The following MROH1 variants were observed in gnomAD, a reference collection of about 807,000 sequenced individuals.
MROH1 encodes the protein maestro heat like repeat family member 1.
In MROH1, 117 loss-of-function variants were observed where a neutral mutation model predicts 116.5. The ratio of observed to expected loss-of-function variants is 1.00; its 90% CI spans 0.86 to 1.17. MROH1 has a LOEUF of 1.17. Among genes scored for constraint, MROH1 ranks in the 50% most tolerant of loss-of-function variants. MROH1 has a pLI of 0.00. For missense variants in MROH1, 1,873 were observed against 1,338.5 expected (o/e 1.40, Z -6.23); for synonymous variants, 921 against 583.9 (o/e 1.58, Z -8.32).
chr8:144,240,602 CA>C lies in MROH1; in HGVS notation c.1862del (p.Asn621ThrfsTer7), dbSNP rs1840809711. On this transcript the variant is annotated frameshift_variant, in exon 20 of 44. Transcript: ENST00000326134. LOFTEE classifies it high-confidence loss of function. ...LRDTLAIISDNAWICQLSLEL... is the reference protein window; with the variant it reads ...LRDTLAIISDXAWICQLSLEL... ...GAGACACCCTGGCCATCATTTCTGA[CA>C]ACGCGTGGATCTGCCAGCTGAGCCT... 1 of 717,428 alleles carries C rather than the reference CA, an allele frequency of 1.4e-6. No individual in the cohort carries two copies. Among genetic ancestry groups the C allele is most frequent in the Non-Finnish European group, 2.6e-6 (1 of 384,950 alleles). The allele number at this position is 717,428 out of a possible 1,614,324, so 44.4% of individuals were successfully genotyped here.
chr8:144,205,515 T>G (rs74688508), intron 12 of MROH1, among the ~76,000 whole-genome samples: 2 of 26,706 alleles, frequency 7.5e-5, no homozygotes, highest in Admixed American at 6.2e-4. Context: ...TGCATATATA[T>G]AGACACACAC....
At chr8:144,235,335 C>G (rs1035450840) in intron 14 of MROH1, among the ~76,000 whole-genome samples, 2 of 151,924 alleles carry the variant, frequency 1.3e-5, no homozygotes, top group African/African-American at 4.8e-5. Context: ...TTTTTTCAGT[C>G]TGGATGCGTT....
intron 12 of MROH1, among the ~76,000 whole-genome samples, chr8:144,212,189 TCCTCCTGTCTCAG>T (rs1834268195): frequency 6.6e-6 from 1 of 152,072 alleles, no homozygotes; most frequent in Non-Finnish European, 1.5e-5. Flanking sequence ...GCTTAAGGGA[TCCTCCTGTCTCAG>T]CCTCCTAAGT....
chr8:144,242,073 C>G, intron 22 of MROH1: 1 of 528,792 alleles, frequency 1.9e-6, no homozygotes, highest in South Asian at 2.0e-5. Context: ...CTGACTCTCT[C>G]ACGTGGCTGT....
chr8:144,148,734 T>A (rs896196063), intron 1 of MROH1: 3 of 152,632 alleles, frequency 2.0e-5, no homozygotes, highest in African/African-American at 4.8e-5. Context: ...GGGGTCGGAT[T>A]TTCGGGCAGC....
At chr8:144,256,429 A>G (rs1843807064) in intron 35 of MROH1, among the ~76,000 whole-genome samples, 1 of 141,596 alleles carries the variant, frequency 7.1e-6, no homozygotes, top group African/African-American at 2.7e-5. Flanking sequence ...AGGACACACC[A>G]GGGGGACAGC....
chr8:144,155,241 G>A (rs998277125), intron 1 of MROH1, among the ~76,000 whole-genome samples: 8 of 152,196 alleles, frequency 5.3e-5, no homozygotes, highest in African/African-American at 1.7e-4. Context: ...GTGAGCCACC[G>A]CACCCGGCCT....
intron 14 of MROH1, among the ~76,000 whole-genome samples, chr8:144,234,651 G>A (rs1839712268): frequency 6.8e-6 from 1 of 147,572 alleles, no homozygotes; most frequent in South Asian, 2.1e-4. Context: ...TGAGTAGCTG[G>A]GATTACAGGC....
chr8:144,152,834 A>G (rs1817169250), intron 1 of MROH1, among the ~76,000 whole-genome samples: 1 of 152,202 alleles, frequency 6.6e-6, no homozygotes, highest in African/African-American at 2.4e-5. Context: ...GGCATGAGCC[A>G]CTGCGCCTGG....
intron 4 of MROH1, among the ~76,000 whole-genome samples, chr8:144,176,530 G>A (rs1463669878): frequency 3.2e-5 from 3 of 93,946 alleles, no homozygotes; most frequent in African/African-American, 1.3e-4. Context: ...GTGAGACCCT[G>A]ACTCAGAAAA....
At chr8:144,199,959 C>T (rs959019840) in intron 11 of MROH1, among the ~76,000 whole-genome samples, 1 of 152,186 alleles carries the variant, frequency 6.6e-6, no homozygotes, top group Admixed American at 6.5e-5. Flanking sequence ...GGCTCTGGTC[C>T]GTGAAGTACT....
intron 14 of MROH1, among the ~76,000 whole-genome samples, chr8:144,237,934 C>T (rs1411312679): frequency 2.0e-5 from 3 of 152,114 alleles, no homozygotes; most frequent in Admixed American, 6.5e-5. Flanking sequence ...TCTTTATTAA[C>T]GCAAATGATT....
At chr8:144,237,962 A>G (rs1174891218) in intron 14 of MROH1, among the ~76,000 whole-genome samples, 2 of 152,084 alleles carry the variant, frequency 1.3e-5, no homozygotes, top group Non-Finnish European at 2.9e-5. Flanking sequence ...GATCTTTAAA[A>G]TCTCCAGGTC....
At chr8:144,157,677 C>CTTTTT (rs1164415639) in intron 1 of MROH1, among the ~76,000 whole-genome samples, 44 of 117,892 alleles carry the variant, frequency 3.7e-4, no homozygotes, top group Non-Finnish European at 5.5e-4. Context: ...TTCTTTCTTT[C>CTTTTT]TTTTTTTTTT....
At chr8:144,195,549 C>T (rs562575573) in intron 10 of MROH1, among the ~76,000 whole-genome samples, 1 of 150,802 alleles carries the variant, frequency 6.6e-6, no homozygotes, top group African/African-American at 2.4e-5. Flanking sequence ...ACTCTGTTGC[C>T]CAGGCTGGTC....
In MROH1 at chr8:144,241,415, G is replaced by A. The variant is rs2132918257; in HGVS notation, c.2076G>A (p.Gly692=). ...AEREGLACCF[G]ICAISHLEDT... Reference sequence around the variant, plus strand: ...CCCAGGGCCTCGCCTGCTGCTTCGGGATCTGTGCCATCTCCCACCTCGAGG... The same window carrying A: ...CCCAGGGCCTCGCCTGCTGCTTCGGAATCTGTGCCATCTCCCACCTCGAGG... Residue 692 remains glycine, a synonymous_variant, in exon 22 of 44, where the codon GGG becomes GGA. Transcript: ENST00000326134. 3 of 778,428 alleles carry A rather than the reference G, an allele frequency of 3.9e-6. No homozygotes were observed. The highest frequency in any genetic ancestry group is 4.8e-5 in the East Asian group (2 of 41,250). 48.2% of individuals were successfully genotyped at this position (778,428 alleles called of 1,614,324 possible).
In MROH1 at chr8:144,235,540, G is replaced by A. The variant is rs1488197315; in HGVS notation, c.1339-3216G>A. On this transcript the variant is annotated intron_variant, in intron 14 of 43. Coordinates refer to ENST00000326134, the MANE Select transcript of MROH1 (RefSeq NM_032450.3). The stretch of plus-strand genomic sequence containing the variant: ...CCTTCTAGTCCTGCTTTGCTGAACG[G>A]TTTTGTTATGAAGAAGTACTAGATT... Among the ~76,000 whole-genome samples, 8 of 152,282 alleles carry A rather than the reference G, an allele frequency of 5.3e-5. No individual in the cohort carries two copies. The South Asian group carries it at 1.2e-3, about 24-fold the overall frequency.
intron 4 of MROH1, among the ~76,000 whole-genome samples, chr8:144,173,675 G>A (rs565677612): frequency 7.9e-5 from 12 of 152,190 alleles, no homozygotes; most frequent in Middle Eastern, 3.4e-3. Flanking sequence ...CACCCACCTC[G>A]GCCTCCCAAA....
intron 7 of MROH1, among the ~76,000 whole-genome samples, chr8:144,187,601 CCTGTGTA>C (rs1272739292): frequency 1.3e-5 from 2 of 152,214 alleles, no homozygotes; most frequent in African/African-American, 4.8e-5. Context: ...TATCTGCATT[CCTGTGTA>C]CTAGACTCAG....
Sources: allele counts gnomAD v4.1 joint callset (sites outside exome capture counted in the v4.1 genomes callset), GRCh38; gene constraint gnomAD v4.1.1; transcripts MANE v1.5; gene names NCBI Gene and HGNC (gene_info 2026-07-23, HGNC 2026-07-21).